RBFOX1: variants seen among roughly 807,000 people sequenced by gnomAD.
RBFOX1 encodes the protein RNA binding protein fox-1 homolog 1.
Under a neutral mutation model 57.7 loss-of-function variants are expected in RBFOX1, and 8 were observed. That is an observed-to-expected ratio of 0.14 (90% CI 0.08 to 0.25). The LOEUF (loss-of-function observed/expected upper bound fraction) is 0.25, where lower values mean the gene tolerates loss of function less well. Among genes scored for constraint, RBFOX1 ranks in the 10% least tolerant of loss-of-function variants. The pLI, the probability that RBFOX1 is intolerant of heterozygous loss-of-function variation, is 1.00. For missense variants in RBFOX1, 611 were observed against 548.5 expected, an observed-to-expected ratio of 1.11 and a Z score of -1.14; for synonymous variants, 326 against 222.4, an observed-to-expected ratio of 1.47 and a Z score of -4.15.
chr16:7,125,764 T>A (rs1027657440), intron 4 of RBFOX1, among the ~76,000 whole-genome samples: 2 of 152,070 alleles, frequency 1.3e-5, no homozygotes, highest in African/African-American at 4.8e-5. Context: ...AGGCCAAGGA[T>A]ATGACTGCAA....
chr16:7,645,093 C>CT (rs1204352549), intron 11 of RBFOX1, among the ~76,000 whole-genome samples: 3 of 152,066 alleles, frequency 2.0e-5, no homozygotes, highest in East Asian at 3.9e-4. Flanking sequence ...TTGTCACCAT[C>CT]TTTTTTTTCC....
intron 2 of RBFOX1, among the ~76,000 whole-genome samples, chr16:6,413,752 TTAAC>T (rs1417994638): frequency 1.3e-5 from 2 of 152,170 alleles, no homozygotes; most frequent in African/African-American, 4.8e-5. Context: ...TGATACTTAA[TTAAC>T]TAAGAATCAG....
intron 4 of RBFOX1, among the ~76,000 whole-genome samples, chr16:5,902,984 TC>T (rs1208736298): frequency 1.3e-5 from 2 of 152,026 alleles, no homozygotes; most frequent in Admixed American, 6.6e-5. Flanking sequence ...GTTTCTAAAC[TC>T]CCCCACCCTC....
chr16:5,972,514 G>T (rs1259728848), intron 4 of RBFOX1, among the ~76,000 whole-genome samples: 1 of 152,180 alleles, frequency 6.6e-6, no homozygotes, highest in African/African-American at 2.4e-5. Context: ...TCTGGGAAAG[G>T]GAAGGGGAGT....
At chr16:5,898,525 G>GTT (rs36121105) in intron 4 of RBFOX1, among the ~76,000 whole-genome samples, 88 of 144,162 alleles carry the variant, frequency 6.1e-4, no homozygotes, top group South Asian at 8.8e-4. Flanking sequence ...CAGTAGCAGG[G>GTT]TTTTTTTTTT....
intron 1 of RBFOX1, among the ~76,000 whole-genome samples, chr16:6,079,993 T>G (rs913477529): frequency 2.6e-5 from 4 of 152,234 alleles, no homozygotes; most frequent in Non-Finnish European, 5.9e-5. Context: ...GATTGAGGCT[T>G]ACAACCATGT....
At chr16:7,526,776 C>T (rs957282194) in intron 5 of RBFOX1, among the ~76,000 whole-genome samples, 2 of 152,214 alleles carry the variant, frequency 1.3e-5, no homozygotes, top group African/African-American at 4.8e-5. Flanking sequence ...CTCCCCACCA[C>T]GTATGAAGTG....
At chr16:6,803,552 A>G (rs2085999274) in intron 3 of RBFOX1, among the ~76,000 whole-genome samples, 2 of 152,226 alleles carry the variant, frequency 1.3e-5, no homozygotes, top group Admixed American at 6.5e-5. Flanking sequence ...CAGATAAACA[A>G]AAATCAGCCT....
At chr16:6,822,559 A>G (rs1367176418) in intron 3 of RBFOX1, among the ~76,000 whole-genome samples, 4 of 152,260 alleles carry the variant, frequency 2.6e-5, no homozygotes, top group Admixed American at 6.5e-5. Context: ...CTTGCCGTGC[A>G]CAGTGAGCTC....
chr16:6,559,159 CTGTT>C (rs71406382), intron 2 of RBFOX1, among the ~76,000 whole-genome samples: 7,906 of 149,824 alleles, frequency 0.053, 265 homozygotes, highest in South Asian at 0.073. Context: ...ATATATATGA[CTGTT>C]TGTGTGTACA....
At chr16:6,747,404 C>G (rs556143049) in intron 3 of RBFOX1, among the ~76,000 whole-genome samples, 16 of 141,436 alleles carry the variant, frequency 1.1e-4, no homozygotes, top group Non-Finnish European at 2.2e-4. Context: ...GAGACTCAGT[C>G]TCAAAAAGAA....
intron 11 of RBFOX1, among the ~76,000 whole-genome samples, chr16:7,634,106 G>C (rs544770767): frequency 6.6e-6 from 1 of 152,288 alleles, no homozygotes; most frequent in Admixed American, 6.5e-5. Context: ...TTTGCTCTCT[G>C]ATGGGTGCAG....
At chr16:6,105,459 C>T (rs2096366937) in intron 1 of RBFOX1, among the ~76,000 whole-genome samples, 1 of 151,944 alleles carries the variant, frequency 6.6e-6, no homozygotes, top group African/African-American at 2.4e-5. Flanking sequence ...GAAGATAATG[C>T]CATCTTAGCC....
intron 3 of RBFOX1, among the ~76,000 whole-genome samples, chr16:6,994,852 C>T (rs1051958797): frequency 2.0e-5 from 3 of 152,128 alleles, no homozygotes; most frequent in Non-Finnish European, 2.9e-5. Context: ...ATGGTAGACA[C>T]AAGGTGAGAT....
At chr16:7,436,688 A>G (rs1024625728) in intron 4 of RBFOX1, among the ~76,000 whole-genome samples, 3 of 152,246 alleles carry the variant, frequency 2.0e-5, no homozygotes, top group South Asian at 2.1e-4. Context: ...CCTGAGCTCC[A>G]GCTCCTGGTG....
chr16:5,292,687 G>A (rs1351253065), intron 1 of RBFOX1, among the ~76,000 whole-genome samples: 2 of 151,914 alleles, frequency 1.3e-5, no homozygotes, highest in Non-Finnish European at 2.9e-5. Context: ...TCAGTGGCAC[G>A]ATCTCGGCTC....
chr16:6,352,010 C>T (rs933282762), intron 2 of RBFOX1, among the ~76,000 whole-genome samples: 1 of 152,138 alleles, frequency 6.6e-6, no homozygotes, highest in African/African-American at 2.4e-5. Context: ...TTACCCAAAC[C>T]TACCCTTTTT....
chr16:6,933,541 C>G (rs2076897833), intron 3 of RBFOX1, among the ~76,000 whole-genome samples: 2 of 152,306 alleles, frequency 1.3e-5, no homozygotes, highest in South Asian at 2.1e-4. Flanking sequence ...GGTGAAATCT[C>G]TTCTCTACTA....
At chr16:6,967,618 T>C (rs7196499) in intron 3 of RBFOX1, among the ~76,000 whole-genome samples, 120,940 of 151,916 alleles carry the variant, frequency 0.8, 48,658 homozygotes, top group African/African-American at 0.92. Flanking sequence ...CAGTACTCAG[T>C]ACACTTCGCT....
Sources: allele counts gnomAD v4.1 joint callset (sites outside exome capture counted in the v4.1 genomes callset), GRCh38; gene constraint gnomAD v4.1.1; transcripts MANE v1.5; gene names NCBI Gene and HGNC (gene_info 2026-07-23, HGNC 2026-07-21).